OOSP3: variants seen among roughly 807,000 people sequenced by gnomAD.
OOSP3 encodes oocyte secreted protein family member 3, also known as oocyte-secreted protein 3.
At chr11:59,892,643 TC>T (rs912058433) in intron 2 of OOSP3, among the ~76,000 whole-genome samples, 2 of 152,018 alleles carry the variant, frequency 1.3e-5, no homozygotes, top group African/African-American at 4.8e-5. Context: ...TATATATAGG[TC>T]TATTCCTCTT....
At chr11:59,880,702 C>G (rs775107937) in intron 2 of OOSP3, among the ~76,000 whole-genome samples, 1 of 152,176 alleles carries the variant, frequency 6.6e-6, no homozygotes. Flanking sequence ...CTTACATCCC[C>G]TAAAGTCTAG....
At chr11:59,890,791 G>T (rs1475031432) in intron 2 of OOSP3, among the ~76,000 whole-genome samples, 1 of 152,108 alleles carries the variant, frequency 6.6e-6, no homozygotes, top group Non-Finnish European at 1.5e-5. Flanking sequence ...TCTTATTGGG[G>T]TTCTCTGGAT....
At chr11:59,889,662 T>G (rs182550385) in intron 2 of OOSP3, among the ~76,000 whole-genome samples, 3 of 152,098 alleles carry the variant, frequency 2.0e-5, no homozygotes, top group Admixed American at 6.6e-5. Context: ...TCTGAGAGAC[T>G]GTTATATTTC....
intron 3 of OOSP3, among the ~76,000 whole-genome samples, chr11:59,894,465 C>T (rs867650545): frequency 8.3e-4 from 127 of 152,232 alleles, no homozygotes; most frequent in African/African-American, 3.0e-3. Flanking sequence ...AAATACTTCC[C>T]ACTCTCATGA....
intron 2 of OOSP3, among the ~76,000 whole-genome samples, chr11:59,886,620 G>C (rs1428378088): frequency 6.6e-6 from 1 of 152,116 alleles, no homozygotes; most frequent in African/African-American, 2.4e-5. Flanking sequence ...AACCTCTCCA[G>C]TATCTGTTGT....
chr11:59,893,964 G>T (rs912378732), intron 2 of OOSP3, 115 bp from the exon 3 acceptor site: 4 of 395,328 alleles, frequency 1.0e-5, no homozygotes, highest in African/African-American at 6.2e-5. Context: ...TCTGCAGAGA[G>T]ACCTTGGTGC....
rs1853335353 is a variant in OOSP3, at chr11:59,894,074, A to G, written c.253-5A>G. 2.5e-6 allele frequency: 1 copy of G among 398,512 alleles called. No homozygotes were observed. The highest frequency in any genetic ancestry group is 4.4e-6 in the Non-Finnish European group (1 of 226,016). 24.7% of individuals were successfully genotyped at this position (398,512 alleles called of 1,614,324 possible). A position where few individuals can be genotyped will look rare whatever the true frequency, so the allele number is the denominator to read the frequency against. ...TCAACTTATAAAGTCTTTTTGTCCC[A>G]TTAGGTTTTCTCATATGTAACAGTT... On this transcript the variant is annotated splice_region_variant and splice_polypyrimidine_tract_variant and intron_variant, in intron 2 of 4. Coordinates refer to ENST00000646438, the Ensembl canonical transcript of OOSP3.
chr11:59,889,509 C>T (rs1853291113), intron 2 of OOSP3, among the ~76,000 whole-genome samples: 1 of 152,146 alleles, frequency 6.6e-6, no homozygotes, highest in Admixed American at 6.5e-5. Context: ...TTCTTGTTCT[C>T]ATTAGTTTCA....
chr11:59,885,019 T>G (rs1172447908), intron 2 of OOSP3, among the ~76,000 whole-genome samples: 2 of 152,204 alleles, frequency 1.3e-5, no homozygotes, highest in Non-Finnish European at 2.9e-5. Flanking sequence ...TTTTCACAGG[T>G]GCTCTTAATC....
In OOSP3 at chr11:59,884,481, CTCT is replaced by C. The variant is rs1565218930; in HGVS notation, c.252+4043_252+4045del. On this transcript the variant is annotated intron_variant, in intron 2 of 4. Transcript: ENST00000646438. ...TCTGTCTGTCTGTCTGTCTGTCTCT[CTCT>C]CTCTCTCTCTCTCTCTCTCTCTCTC... Among the ~76,000 whole-genome samples the C allele has an allele frequency of 1.9e-4, 3 of 16,214 alleles. No individual in the cohort carries two copies. The East Asian group carries it at 4.5e-3, about 24-fold the overall frequency. The allele number at this position is 16,214 out of a possible 152,430, so 10.6% of individuals were successfully genotyped here. A position where few individuals can be genotyped will look rare whatever the true frequency, so the allele number is the denominator to read the frequency against.
intron 3 of OOSP3, among the ~76,000 whole-genome samples, chr11:59,894,438 G>A (rs536928649): frequency 3.3e-4 from 50 of 152,190 alleles, no homozygotes; most frequent in African/African-American, 1.1e-3. Flanking sequence ...GATACCAACT[G>A]GGCTTGGAAA....
intron 2 of OOSP3, among the ~76,000 whole-genome samples, chr11:59,883,542 A>G (rs1203675580): frequency 6.6e-6 from 1 of 152,238 alleles, no homozygotes; most frequent in African/African-American, 2.4e-5. Context: ...AGAAGATTAC[A>G]TGTAGTAAAA....
At position 59,886,512 on chromosome 11, in the gene OOSP3, C is replaced by T. The variant is rs115599253; in HGVS notation, c.252+6073C>T. ...GGGTTGTTTGGTCAAGTGGTATTTC[C>T]AGTTGTAAATCTTTGAGGAATCACC... is the stretch of plus-strand genomic sequence containing the variant. On this transcript the variant is annotated intron_variant, in intron 2 of 4. Coordinates refer to ENST00000646438, the Ensembl canonical transcript of OOSP3. Among the ~76,000 whole-genome samples, 1,200 of 151,700 alleles carry T rather than the reference C, an allele frequency of 7.9e-3. 18 individuals are homozygous for T. The highest frequency in any genetic ancestry group is 0.028 in the African/African-American group (1,130 of 41,032).
chr11:59,896,129 G>A lies in OOSP3; in HGVS notation c.502-4G>A. The A allele has an allele frequency of 2.5e-6, 1 of 398,316 alleles. No homozygotes were observed. The highest frequency in any genetic ancestry group is 2.1e-5 in the African/African-American group (1 of 48,712). The allele number at this position is 398,316 out of a possible 1,614,324, so 24.7% of individuals were successfully genotyped here. ...TATTAACTACCTTTCTTTTTTCTCT[G>A]TAGGTAGAGGCATCTCATCAGTCAC... On this transcript the variant is annotated splice_polypyrimidine_tract_variant and splice_region_variant and intron_variant, in intron 4 of 4. Transcript: ENST00000646438.
intron 3 of OOSP3, among the ~76,000 whole-genome samples, chr11:59,895,013 G>T (rs1565220829): frequency 6.6e-6 from 1 of 152,064 alleles, no homozygotes; most frequent in African/African-American, 2.4e-5. Flanking sequence ...GCTTGAATGG[G>T]CATAATTGTA....
At chr11:59,879,512 T>C (rs927279183) in intron 1 of OOSP3, among the ~76,000 whole-genome samples, 4 of 147,412 alleles carry the variant, frequency 2.7e-5, no homozygotes, top group Admixed American at 6.8e-5. Flanking sequence ...TTATTTCTAG[T>C]TTTTTTTTTA....
chr11:59,888,626 C>T (rs1038078680), intron 2 of OOSP3, among the ~76,000 whole-genome samples: 1 of 152,188 alleles, frequency 6.6e-6, no homozygotes, highest in Non-Finnish European at 1.5e-5. Flanking sequence ...TTGAACCAGC[C>T]TTGCATCCTG....
At chr11:59,882,119 A>G (rs929947493) in intron 2 of OOSP3, among the ~76,000 whole-genome samples, 3 of 152,236 alleles carry the variant, frequency 2.0e-5, no homozygotes, top group Non-Finnish European at 4.4e-5. Flanking sequence ...TACAAAGGCC[A>G]AAGAATTAAT....
At chr11:59,886,750 A>G (rs1590873667) in intron 2 of OOSP3, among the ~76,000 whole-genome samples, 3 of 147,640 alleles carry the variant, frequency 2.0e-5, no homozygotes, top group South Asian at 4.3e-4. Context: ...GGCCACATGT[A>G]TGTCTTATTT....
Sources: allele counts gnomAD v4.1 joint callset (sites outside exome capture counted in the v4.1 genomes callset), GRCh38; gene constraint gnomAD v4.1.1; transcripts MANE v1.5; gene names NCBI Gene and HGNC (gene_info 2026-07-23, HGNC 2026-07-21).